Variants in CSMD1 observed in about 807,000 individuals in gnomAD.
The protein encoded by CSMD1 is CUB and sushi domain-containing protein 1.
In CSMD1, 213 loss-of-function variants were observed where a neutral mutation model predicts 417.5. The observed-to-expected ratio is 0.51, with a 90% CI of 0.46 to 0.57. The LOEUF is 0.57. CSMD1 is among the 20% of genes least tolerant of loss of function. CSMD1 has a pLI of 0.00. For missense variants in CSMD1, 6,923 were observed against 4,529.7 expected (o/e 1.53, Z -15.17); for synonymous variants, 2,862 against 1,736.8 (o/e 1.65, Z -16.11).
intron 1 of CSMD1, among the ~76,000 whole-genome samples, chr8:4,755,587 G>A (rs751572996): frequency 6.6e-6 from 1 of 152,034 alleles, no homozygotes; most frequent in African/African-American, 2.4e-5. Context: ...CTACTGTCAC[G>A]TTGATTTTAT....
At chr8:4,552,388 C>T (rs1205327995) in intron 2 of CSMD1, among the ~76,000 whole-genome samples, 1 of 152,016 alleles carries the variant, frequency 6.6e-6, no homozygotes, top group Non-Finnish European at 1.5e-5. Flanking sequence ...ACTCAAATCC[C>T]GAATCCTGTC....
At chr8:3,561,477 T>A (rs1200107747) in intron 10 of CSMD1, among the ~76,000 whole-genome samples, 2 of 152,178 alleles carry the variant, frequency 1.3e-5, no homozygotes, top group African/African-American at 4.8e-5. Context: ...CTTGGCAATA[T>A]GGATGGAACA....
intron 3 of CSMD1, among the ~76,000 whole-genome samples, chr8:4,346,186 G>C (rs1355695177): frequency 7.2e-5 from 11 of 152,062 alleles, no homozygotes; most frequent in African/African-American, 2.7e-4. Flanking sequence ...AATATGGCCT[G>C]CTAATTTATC....
intron 3 of CSMD1, among the ~76,000 whole-genome samples, chr8:4,273,970 A>T (rs922809573): frequency 2.6e-5 from 4 of 152,144 alleles, no homozygotes; most frequent in Non-Finnish European, 5.9e-5. Context: ...ATTCAGAACG[A>T]CATTTGTATT....
At chr8:4,012,203 C>G (rs934525855) in intron 4 of CSMD1, among the ~76,000 whole-genome samples, 25 of 152,048 alleles carry the variant, frequency 1.6e-4, no homozygotes, top group Non-Finnish European at 3.4e-4. Flanking sequence ...GTATATGATT[C>G]TATGCCGTTT....
intron 3 of CSMD1, among the ~76,000 whole-genome samples, chr8:4,129,714 G>A (rs563866255): frequency 1.3e-5 from 2 of 151,940 alleles, no homozygotes; most frequent in African/African-American, 2.4e-5. Flanking sequence ...TTTTCATTCA[G>A]TATTCAGTTT....
intron 3 of CSMD1, among the ~76,000 whole-genome samples, chr8:4,133,300 G>A (rs866881754): frequency 6.6e-6 from 1 of 152,132 alleles, no homozygotes; most frequent in Non-Finnish European, 1.5e-5. Flanking sequence ...AAAAGTCTAA[G>A]TTTATACTGG....
intron 5 of CSMD1, among the ~76,000 whole-genome samples, chr8:3,784,642 A>C (rs867950970): frequency 1.3e-5 from 2 of 152,278 alleles, no homozygotes; most frequent in South Asian, 2.1e-4. Context: ...AATAAATAGA[A>C]ATCTGTTTGG....
In CSMD1 at chr8:3,044,979, C is replaced by T. The variant is rs1459765111; in HGVS notation, c.7660+7483G>A. ...TAAGAGGTAAAGTTTTATGCTTACT[C>T]TGCCAGATTTTTTCCATTTAAATTA... On this transcript the variant is annotated intron_variant, in intron 50 of 69. Coordinates refer to ENST00000635120, the MANE Select transcript of CSMD1 (RefSeq NM_033225.6). 2.0e-5 allele frequency among the ~76,000 whole-genome samples: 3 copies of T among 152,192 alleles called. No homozygotes were observed. In the East Asian group the frequency reaches 5.8e-4, roughly 29 times the overall value.
intron 12 of CSMD1, among the ~76,000 whole-genome samples, chr8:3,445,391 G>A (rs534976503): frequency 6.6e-6 from 1 of 152,278 alleles, no homozygotes; most frequent in South Asian, 2.1e-4. Context: ...AAACACTCAA[G>A]AGGCAGATAT....
intron 1 of CSMD1, among the ~76,000 whole-genome samples, chr8:4,767,523 T>A (rs1301682048): frequency 6.6e-6 from 1 of 152,120 alleles, no homozygotes; most frequent in Non-Finnish European, 1.5e-5. Flanking sequence ...TACCCCCACA[T>A]GGATTAGTAT....
intron 31 of CSMD1, among the ~76,000 whole-genome samples, chr8:3,203,051 G>T (rs1034021663): frequency 2.0e-5 from 3 of 151,818 alleles, no homozygotes; most frequent in Admixed American, 6.6e-5. Context: ...CCAAAACTTG[G>T]GTCACAAAAG....
intron 11 of CSMD1, among the ~76,000 whole-genome samples, chr8:3,487,807 T>C (rs1460997969): frequency 1.3e-5 from 2 of 152,174 alleles, no homozygotes; most frequent in Non-Finnish European, 2.9e-5. Context: ...TGGAATATTT[T>C]GTGATTTCCC....
intron 1 of CSMD1, among the ~76,000 whole-genome samples, chr8:4,909,840 A>T (rs968232277): frequency 3.3e-5 from 5 of 152,160 alleles, no homozygotes; most frequent in Admixed American, 3.3e-4. Context: ...ATTTAACTGC[A>T]ACCTCAGTTC....
intron 5 of CSMD1, among the ~76,000 whole-genome samples, chr8:3,814,393 C>T (rs1488550541): frequency 6.6e-6 from 1 of 152,190 alleles, no homozygotes; most frequent in Admixed American, 6.5e-5. Context: ...TATACTATAT[C>T]AGGGAGTAAA....
intron 3 of CSMD1, among the ~76,000 whole-genome samples, chr8:4,339,514 C>A (rs939825220): frequency 6.6e-6 from 1 of 152,064 alleles, no homozygotes; most frequent in Non-Finnish European, 1.5e-5. Context: ...ATTTATAAGA[C>A]TTCAATTTCA....
rs145755235 is a variant in CSMD1, at chr8:4,068,273, G to A, written c.416-36174C>T. Reference sequence around the variant, plus strand: ...CAAAGGTTGCCCTCCTCGGAGAGTTGAGAAGTCTACTTTGTAGCTGGAGGA... The same window carrying A: ...CAAAGGTTGCCCTCCTCGGAGAGTTAAGAAGTCTACTTTGTAGCTGGAGGA... On this transcript the variant is annotated intron_variant, in intron 3 of 69. Transcript: ENST00000635120. Among the ~76,000 whole-genome samples the A allele has an allele frequency of 8.6e-3, 1,313 of 152,202 alleles. 5 individuals are homozygous for A. Among genetic ancestry groups the A allele is most frequent in the Admixed American group, 0.012 (185 of 15,288 alleles).
At chr8:2,958,359 G>A (rs1803172906) in intron 62 of CSMD1, among the ~76,000 whole-genome samples, 1 of 152,136 alleles carries the variant, frequency 6.6e-6, no homozygotes, top group South Asian at 2.1e-4. Flanking sequence ...TGCTTAAACT[G>A]CACATCCGCT....
intron 1 of CSMD1, among the ~76,000 whole-genome samples, chr8:4,760,367 A>C (rs1207175819): frequency 6.6e-6 from 1 of 152,174 alleles, no homozygotes; most frequent in African/African-American, 2.4e-5. Flanking sequence ...AATCGAGGAC[A>C]TGTCTGCTGC....
Sources: allele counts gnomAD v4.1 joint callset (sites outside exome capture counted in the v4.1 genomes callset), GRCh38; gene constraint gnomAD v4.1.1; transcripts MANE v1.5; gene names NCBI Gene and HGNC (gene_info 2026-07-23, HGNC 2026-07-21).